C12orf42: variants seen among roughly 807,000 people sequenced by gnomAD.
C12orf42 encodes chromosome 12 open reading frame 42, also known as uncharacterized protein C12orf42.
Under a neutral mutation model 21.6 loss-of-function variants are expected in C12orf42, and 25 were observed. The observed-to-expected ratio is 1.16, with a 90% CI of 0.84 to 1.62. C12orf42 has a LOEUF of 1.62. Among genes scored for constraint, C12orf42 ranks in the 40% most tolerant of loss-of-function variants. The pLI is 0.00. For synonymous variants in C12orf42, 174 were observed against 175.0 expected (o/e 0.99, Z 0.05); for missense variants, 483 against 459.3 (o/e 1.05, Z -0.47).
At chr12:103,234,850 A>G (rs1231959391), downstream of C12orf42, among the ~76,000 whole-genome samples, 1 of 152,158 alleles carries the variant, frequency 6.6e-6, no homozygotes, top group African/African-American at 2.4e-5. Context: ...TTTACACTGC[A>G]TGATAATCTT....
intron 5 of C12orf42, among the ~76,000 whole-genome samples, chr12:103,271,392 G>A (rs1019920422): frequency 1.3e-5 from 2 of 152,142 alleles, no homozygotes; most frequent in African/African-American, 4.8e-5. Context: ...ATGTCAAACA[G>A]GAAGCCCTGA....
the C12orf42 span, among the ~76,000 whole-genome samples, chr12:103,053,773 T>G: frequency 6.6e-6 from 1 of 151,958 alleles, no homozygotes. Flanking sequence ...TTAAATTTTG[T>G]ACAAGATGTG....
chr12:103,429,827 C>A (rs1307740047), intron 2 of C12orf42, among the ~76,000 whole-genome samples: 2 of 152,166 alleles, frequency 1.3e-5, no homozygotes, highest in Non-Finnish European at 1.5e-5. Flanking sequence ...ATATCTACAA[C>A]CATCTGATCT....
At chr12:103,466,944 G>A (rs924506165) in intron 2 of C12orf42, among the ~76,000 whole-genome samples, 2 of 152,176 alleles carry the variant, frequency 1.3e-5, no homozygotes, top group Non-Finnish European at 2.9e-5. Flanking sequence ...CTTCCCAGAC[G>A]AGGCCATCCT....
At chr12:103,148,384 G>C in the C12orf42 span, among the ~76,000 whole-genome samples, 12 of 152,240 alleles carry the variant, frequency 7.9e-5, no homozygotes, top group African/African-American at 2.9e-4. Flanking sequence ...CACCCCCATA[G>C]TTCTAATTAC....
intron 5 of C12orf42, among the ~76,000 whole-genome samples, chr12:103,270,787 G>A (rs1334245581): frequency 8.5e-6 from 1 of 118,020 alleles, no homozygotes; most frequent in Non-Finnish European, 1.7e-5. Flanking sequence ...GTGATTTTTT[G>A]TTTTTAATGA....
downstream of C12orf42, among the ~76,000 whole-genome samples, chr12:103,266,347 T>C (rs2035170518): frequency 6.6e-6 from 1 of 152,144 alleles, no homozygotes; most frequent in South Asian, 2.1e-4. Context: ...GGCCCAGCCC[T>C]GGACTTCCTA....
At chr12:103,227,148 G>C in the C12orf42 span, among the ~76,000 whole-genome samples, 1,970 of 152,170 alleles carry the variant, frequency 0.013, 16 homozygotes, top group South Asian at 0.025. Flanking sequence ...ATGGAGGTTG[G>C]AAGGCTGCCC....
At chr12:103,089,631 G>C in the C12orf42 span, among the ~76,000 whole-genome samples, 1 of 151,732 alleles carries the variant, frequency 6.6e-6, no homozygotes, top group Non-Finnish European at 1.5e-5. Flanking sequence ...GTGTGTGTGT[G>C]TGTGTGTGTG....
the C12orf42 span, among the ~76,000 whole-genome samples, chr12:103,146,053 G>A: frequency 6.6e-6 from 1 of 151,996 alleles, no homozygotes; most frequent in South Asian, 2.1e-4. Context: ...GCAAGATTAT[G>A]GGTGGTTTTT....
chr12:103,302,753 C>T (rs890299233), intron 5 of C12orf42, among the ~76,000 whole-genome samples, 194 bp from the exon 6 acceptor site: 2 of 151,258 alleles, frequency 1.3e-5, no homozygotes, highest in Non-Finnish European at 2.9e-5. Context: ...AAAATGCTAT[C>T]CATTCCTTTC....
chr12:103,497,559 C>T (rs1955595983), upstream of C12orf42, among the ~76,000 whole-genome samples: 1 of 152,184 alleles, frequency 6.6e-6, no homozygotes, highest in South Asian at 2.1e-4. Flanking sequence ...CCAAAAACAC[C>T]TGAAAATGCC....
intron 2 of C12orf42, chr12:103,478,068 A>T (rs1422667421): frequency 3.2e-6 from 1 of 308,654 alleles, no homozygotes. Flanking sequence ...GGGTTACCTT[A>T]GTAACATAAG....
chr12:103,144,311 G>A, the C12orf42 span, among the ~76,000 whole-genome samples: 2 of 152,002 alleles, frequency 1.3e-5, no homozygotes, highest in Non-Finnish European at 2.9e-5. Flanking sequence ...GAGGAGATGA[G>A]GAGAAAAAAG....
At chr12:103,171,870 G>A in the C12orf42 span, among the ~76,000 whole-genome samples, 8 of 152,130 alleles carry the variant, frequency 5.3e-5, no homozygotes, top group Admixed American at 3.3e-4. Context: ...GGCCAGGGAT[G>A]ACAAAGGGAA....
chr12:103,346,686 A>C (rs12309358), intron 4 of C12orf42, among the ~76,000 whole-genome samples: 22,289 of 152,174 alleles, frequency 0.15, 2,219 homozygotes, highest in African/African-American at 0.29. Context: ...TAGTTTGCCC[A>C]TCCTAAGCAG....
the C12orf42 span, among the ~76,000 whole-genome samples, chr12:103,528,363 G>A: frequency 6.6e-6 from 1 of 152,162 alleles, no homozygotes; most frequent in South Asian, 2.1e-4. Context: ...ACAGTCAAGG[G>A]AAAATTCCTT....
chr12:103,384,778 C>T (rs1057104555), intron 3 of C12orf42, among the ~76,000 whole-genome samples: 1 of 152,138 alleles, frequency 6.6e-6, no homozygotes, highest in African/African-American at 2.4e-5. Context: ...TGTCTATTGA[C>T]TGGATATAGT....
chr12:103,230,377 C>G, the C12orf42 span, among the ~76,000 whole-genome samples: 1 of 152,074 alleles, frequency 6.6e-6, no homozygotes, highest in Non-Finnish European at 1.5e-5. Context: ...AAGAACTACT[C>G]TAGAGCAAGC....
Sources: allele counts gnomAD v4.1 joint callset (sites outside exome capture counted in the v4.1 genomes callset), GRCh38; gene constraint gnomAD v4.1.1; transcripts MANE v1.5; gene names NCBI Gene and HGNC (gene_info 2026-07-23, HGNC 2026-07-21).